ATP6V1H: variants seen among roughly 807,000 people sequenced by gnomAD.
ATP6V1H encodes V-type proton ATPase subunit H.
ATP6V1H carries 39 observed loss-of-function variants against 71.7 expected under a neutral mutation model. That is an observed-to-expected ratio of 0.54 (90% CI 0.42 to 0.71). The LOEUF is 0.71. Among genes scored for constraint, ATP6V1H ranks in the 30% least tolerant of loss-of-function variants. The probability of loss-of-function intolerance (pLI) is 0.00; values close to 1 mark genes in which losing one functional copy is unlikely to be tolerated. For missense variants in ATP6V1H, 509 were observed against 594.9 expected, an observed-to-expected ratio of 0.86 and a Z score of 1.50; for synonymous variants, 192 against 199.3, an observed-to-expected ratio of 0.96 and a Z score of 0.31.
intron 9 of ATP6V1H, among the ~76,000 whole-genome samples, chr8:53,784,891 T>G (rs2130376783): frequency 6.6e-6 from 1 of 152,368 alleles, no homozygotes; most frequent in Admixed American, 6.5e-5. Flanking sequence ...CTTGTAGAGT[T>G]TCTGCCGAGA....
At chr8:53,756,105 C>G (rs1208984153) in intron 12 of ATP6V1H, among the ~76,000 whole-genome samples, 3 of 128,174 alleles carry the variant, frequency 2.3e-5, no homozygotes, top group African/African-American at 9.0e-5. Context: ...CAATCTTGCT[C>G]TGTCGCCCAG....
chr8:53,821,542 A>G (rs958813114), intron 4 of ATP6V1H, among the ~76,000 whole-genome samples: 1 of 151,790 alleles, frequency 6.6e-6, no homozygotes, highest in African/African-American at 2.4e-5. Flanking sequence ...TTAGCTGGGC[A>G]CGGCGGCACA....
intron 12 of ATP6V1H, among the ~76,000 whole-genome samples, chr8:53,750,286 A>G (rs1777027811): frequency 6.6e-6 from 1 of 152,240 alleles, no homozygotes; most frequent in Admixed American, 6.5e-5. Flanking sequence ...CAGTCATGAA[A>G]ATAACACACA....
At chr8:53,767,151 T>C (rs564282447) in intron 11 of ATP6V1H, among the ~76,000 whole-genome samples, 1 of 152,240 alleles carries the variant, frequency 6.6e-6, no homozygotes, top group East Asian at 1.9e-4. Context: ...CTTAGGAAAA[T>C]AGAAAAGAAC....
intron 7 of ATP6V1H, among the ~76,000 whole-genome samples, chr8:53,809,293 A>T (rs1810197592): frequency 6.6e-6 from 1 of 152,238 alleles, no homozygotes; most frequent in Non-Finnish European, 1.5e-5. Flanking sequence ...TAAGTGCTCA[A>T]TGAATATTAG....
chr8:53,830,555 TA>T (rs920238452), intron 3 of ATP6V1H, among the ~76,000 whole-genome samples: 69 of 145,578 alleles, frequency 4.7e-4, no homozygotes, highest in Admixed American at 9.6e-4. Context: ...TAAGCAAAAT[TA>T]AAAAAAAAAA....
intron 13 of ATP6V1H, among the ~76,000 whole-genome samples, chr8:53,725,156 G>GC (rs1393829976): frequency 6.6e-6 from 1 of 152,120 alleles, no homozygotes; most frequent in East Asian, 1.9e-4. Context: ...TGAGAGCTCT[G>GC]CCCTCATGAT....
At chr8:53,832,581 T>C (rs1482471411) in intron 3 of ATP6V1H, 1 of 152,788 alleles carries the variant, frequency 6.5e-6, no homozygotes, top group Non-Finnish European at 1.5e-5. Context: ...TCAAAGGACA[T>C]ATAAATACTT....
At chr8:53,735,801 C>T (rs1807181798) in intron 13 of ATP6V1H, among the ~76,000 whole-genome samples, 2 of 152,130 alleles carry the variant, frequency 1.3e-5, no homozygotes, top group Non-Finnish European at 2.9e-5. Flanking sequence ...TCTCTAGGAT[C>T]CATATAAGAT....
chr8:53,814,655 C>G lies in ATP6V1H; in HGVS notation c.525+7G>C. 6.4e-7 allele frequency: 1 copy of G among 1,553,778 alleles called. No homozygotes were observed. The highest frequency in any genetic ancestry group is 2.3e-5 in the East Asian group (1 of 44,302). ...TTTCAAAGGTACTTTAAAAAATTTT[C>G]TTTTACCTGTGAACTCAGCTGAGTT... On this transcript the variant is annotated splice_region_variant and intron_variant, in intron 6 of 13. Coordinates refer to ENST00000359530, the MANE Select transcript of ATP6V1H (RefSeq NM_015941.4).
At chr8:53,784,377 T>G (rs1381265538) in intron 9 of ATP6V1H, among the ~76,000 whole-genome samples, 1 of 152,196 alleles carries the variant, frequency 6.6e-6, no homozygotes, top group African/African-American at 2.4e-5. Flanking sequence ...TTTTTTTGTT[T>G]TCCATTGGCT....
At chr8:53,794,655 C>G (rs1349679282) in intron 9 of ATP6V1H, among the ~76,000 whole-genome samples, 1 of 152,100 alleles carries the variant, frequency 6.6e-6, no homozygotes, top group Non-Finnish European at 1.5e-5. Flanking sequence ...TGTGAACCAC[C>G]ACACCCAGCC....
chr8:53,779,669 A>T (rs1333479815), intron 9 of ATP6V1H, among the ~76,000 whole-genome samples: 1 of 151,924 alleles, frequency 6.6e-6, no homozygotes, highest in Non-Finnish European at 1.5e-5. Flanking sequence ...CTTACTTATA[A>T]AACTCTTCCC....
chr8:53,836,803 G>C (rs1811171849), intron 2 of ATP6V1H, among the ~76,000 whole-genome samples: 1 of 152,088 alleles, frequency 6.6e-6, no homozygotes, highest in Non-Finnish European at 1.5e-5. Context: ...TCATGCACAT[G>C]TTACTTAACC....
chr8:53,751,152 C>G (rs538906589), intron 12 of ATP6V1H, among the ~76,000 whole-genome samples: 2 of 152,218 alleles, frequency 1.3e-5, no homozygotes, highest in South Asian at 4.2e-4. Flanking sequence ...GTCCGTGTTG[C>G]TAAGTAACTA....
intron 8 of ATP6V1H, among the ~76,000 whole-genome samples, chr8:53,801,457 G>A (rs916482589): frequency 6.6e-6 from 1 of 152,022 alleles, no homozygotes; most frequent in African/African-American, 2.4e-5. Context: ...TAGAAAGAAA[G>A]GCTTATATTC....
At chr8:53,799,322 A>G (rs978995652) in intron 8 of ATP6V1H, among the ~76,000 whole-genome samples, 4 of 152,210 alleles carry the variant, frequency 2.6e-5, no homozygotes, top group Non-Finnish European at 4.4e-5. Flanking sequence ...AAATAATAAG[A>G]AAGTTAGAGA....
chr8:53,820,393 G>A (rs1490879682), intron 4 of ATP6V1H, among the ~76,000 whole-genome samples: 2 of 149,538 alleles, frequency 1.3e-5, no homozygotes, highest in African/African-American at 4.9e-5. Context: ...GACAAAATGA[G>A]ACCAAAAAAA....
intron 11 of ATP6V1H, among the ~76,000 whole-genome samples, chr8:53,765,530 A>C (rs1041438560): frequency 2.7e-5 from 4 of 150,942 alleles, no homozygotes; most frequent in African/African-American, 7.4e-5. Flanking sequence ...CCAAAAAAAA[A>C]GAAAGAAAGA....
Sources: gnomAD v4.1 joint callset for allele counts (sites outside exome capture counted in the v4.1 genomes callset) on GRCh38, gnomAD v4.1.1 for gene constraint, MANE v1.5 for transcripts, NCBI Gene and HGNC (gene_info 2026-07-23, HGNC 2026-07-21) for gene names.